ZNF532: variants seen among roughly 807,000 people sequenced by gnomAD.
The protein encoded by ZNF532 is zinc finger protein 532.
A neutral mutation model predicts 89.3 loss-of-function variants in ZNF532; 22 were observed. The ratio of observed to expected loss-of-function variants is 0.25; its 90% CI spans 0.18 to 0.35. The LOEUF is 0.35. Among genes scored for constraint, ZNF532 ranks in the 10% least tolerant of loss-of-function variants. The probability of loss-of-function intolerance (pLI) is 1.00; values close to 1 mark genes in which losing one functional copy is unlikely to be tolerated. For missense variants in ZNF532, 1,132 were observed against 1,643.4 expected (o/e 0.69, Z 5.38); for synonymous variants, 606 against 649.6 (o/e 0.93, Z 1.02).
chr18:58,923,549 C>A (rs936729669), intron 3 of ZNF532, among the ~76,000 whole-genome samples: 1 of 151,984 alleles, frequency 6.6e-6, no homozygotes, highest in Non-Finnish European at 1.5e-5. Context: ...TGGGGGTTCT[C>A]GACCATTACT....
chr18:58,918,189 T>G, intron 2 of ZNF532, 82 bp from the exon 3 acceptor site: 1 of 1,257,238 alleles, frequency 8.0e-7, no homozygotes, highest in Non-Finnish European at 1.1e-6. Flanking sequence ...AATCGTTATG[T>G]TAGTGTGAAT....
chr18:58,929,378 C>T (rs2061772020), intron 3 of ZNF532, among the ~76,000 whole-genome samples: 2 of 152,164 alleles, frequency 1.3e-5, no homozygotes, highest in South Asian at 2.1e-4. Flanking sequence ...TCGTGAGCAG[C>T]CTCTGCTGGT....
intron 4 of ZNF532, among the ~76,000 whole-genome samples, chr18:58,935,144 A>C (rs1463891478): frequency 0.079 from 71 of 894 alleles, no homozygotes; most frequent in Non-Finnish European, 0.11. Flanking sequence ...CCTCCTCCCC[A>C]CTCCTCCTCC....
At chr18:58,867,142 CTTCA>C (rs1465063812) in intron 2 of ZNF532, among the ~76,000 whole-genome samples, 1 of 152,184 alleles carries the variant, frequency 6.6e-6, no homozygotes, top group African/African-American at 2.4e-5. Context: ...TTATTTAGTC[CTTCA>C]TTCTTGTCTT....
intron 6 of ZNF532, among the ~76,000 whole-genome samples, chr18:58,949,748 C>T (rs538238583): frequency 8.5e-5 from 13 of 152,338 alleles, no homozygotes; most frequent in African/African-American, 3.1e-4. Context: ...ATTCTAGTCT[C>T]ATGTCAGCTA....
chr18:58,948,083 T>A lies in ZNF532; in HGVS notation c.2722T>A (p.Ser908Thr). ...CTATTTTAGAATAATATATAAGTGT[T>A]CCATGTGCGACACTGTGTTCACCCT... is the stretch of plus-strand genomic sequence containing the variant. ...IGEPKIIYKC[S>T]MCDTVFTLQT... Residue 908 changes from serine (S) to threonine (T), a missense_variant, in exon 6 of 10, where the codon TCC becomes ACC. This residue lies in a region of ZNF532 where 415 missense variants were observed against 604.8 expected (regional missense o/e 0.69). Coordinates refer to ENST00000591808, the MANE Select transcript of ZNF532 (RefSeq NM_001375912.1). 5 of 1,613,262 alleles carry A rather than the reference T, an allele frequency of 3.1e-6. No homozygotes were observed. The highest frequency in any genetic ancestry group is 4.2e-6 in the Non-Finnish European group (5 of 1,179,626).
At chr18:58,931,128 A>G (rs1414263841) in intron 3 of ZNF532, among the ~76,000 whole-genome samples, 1 of 152,200 alleles carries the variant, frequency 6.6e-6, no homozygotes, top group Non-Finnish European at 1.5e-5. Flanking sequence ...ACATTTATCC[A>G]TTTTTAGATG....
chr18:58,945,876 C>T lies in ZNF532; in HGVS notation c.2706-2191C>T, dbSNP rs552317189. Among the ~76,000 whole-genome samples the T allele has an allele frequency of 1.9e-3, 282 of 152,006 alleles. 1 individual carries two copies. The highest frequency in any genetic ancestry group is 6.1e-3 in the African/African-American group (253 of 41,468). On this transcript the variant is annotated intron_variant, in intron 5 of 9. Transcript: ENST00000591808. ...CCAAGTAGCTGGGACTACAGGTGCA[C>T]GCCACCATGCCCTGCTAATTCTTTT...
intron 2 of ZNF532, among the ~76,000 whole-genome samples, chr18:58,888,396 C>T (rs1413090023): frequency 6.6e-6 from 1 of 151,772 alleles, no homozygotes; most frequent in Non-Finnish European, 1.5e-5. Context: ...GAAAATATGG[C>T]CGGGTGCAGT....
intron 2 of ZNF532, among the ~76,000 whole-genome samples, chr18:58,900,154 G>T (rs1602833925): frequency 6.6e-6 from 1 of 152,222 alleles, no homozygotes; most frequent in African/African-American, 2.4e-5. Context: ...AGGTCTGTCT[G>T]CGCAGCTGCG....
chr18:58,926,479 A>AGGCATGCGCC (rs1294390798), intron 3 of ZNF532, among the ~76,000 whole-genome samples: 1 of 152,162 alleles, frequency 6.6e-6, no homozygotes, highest in Non-Finnish European at 1.5e-5. Flanking sequence ...CTGGGATTAC[A>AGGCATGCGCC]GGCATGCGCC....
intron 2 of ZNF532, among the ~76,000 whole-genome samples, chr18:58,873,283 A>C (rs2057148838): frequency 6.6e-6 from 1 of 152,100 alleles, no homozygotes; most frequent in African/African-American, 2.4e-5. Context: ...TGACCTCCCA[A>C]AGTGCTGAGA....
At chr18:58,947,346 T>C (rs1365972503) in intron 5 of ZNF532, among the ~76,000 whole-genome samples, 1 of 152,190 alleles carries the variant, frequency 6.6e-6, no homozygotes, top group Non-Finnish European at 1.5e-5. Flanking sequence ...CAGGAGGGAT[T>C]ATGTTCAGAA....
Position 58,919,545 on chromosome 18 carries a change from C to A in ZNF532, c.1258C>A (p.Pro420Thr), listed in dbSNP as rs778015925. 4.3e-6 allele frequency: 7 copies of A among 1,614,108 alleles called. No individual in the cohort carries two copies. The highest frequency in any genetic ancestry group is 2.7e-5 in the African/African-American group (2 of 74,942). ...ATCAGCCGCCGTCCTTTCCTCTCCC[C>A]CCAGGGCGCCTCTCCAGTCTGCGGT... is the stretch of plus-strand genomic sequence containing the variant. ...PASAAVLSSPPRAPLQSAVVT... is the reference protein window; with the variant it reads ...PASAAVLSSPTRAPLQSAVVT... Residue 420 changes from proline (P) to threonine (T), a missense_variant, in exon 3 of 10, where the codon CCC (proline) becomes ACC (threonine). Physicochemically the swap from Pro to Thr is conservative, Grantham distance 38. Around this residue, in one of 9 missense-constraint regions of ZNF532, gnomAD observed 124 missense variants for 191.6 expected, o/e 0.65. Transcript: ENST00000591808. The surrounding 1 kb of genome is among the most constrained non-coding windows in gnomAD (Gnocchi z 6.1).
chr18:58,951,948 C>T (rs950931890), intron 6 of ZNF532, among the ~76,000 whole-genome samples: 2 of 152,012 alleles, frequency 1.3e-5, no homozygotes, highest in Admixed American at 6.5e-5. Flanking sequence ...TGCGCGTGGC[C>T]CACCTCAGCC....
In ZNF532 at chr18:58,953,726, C is replaced by T. The variant is rs144779931; in HGVS notation, c.3077C>T (p.Thr1026Met). 1.4e-5 allele frequency: 23 copies of T among 1,613,912 alleles called. No homozygotes were observed. The highest frequency in any genetic ancestry group is 2.2e-5 in the East Asian group (1 of 44,902). ...AAGAAAGTGGCCAGTCCTGGGTGGA[C>T]GTGTTGGGAGTGTGACTGCCTGTTC... ...ETKKVASPGW[T>M]CWECDCLFMQ... Residue 1026 changes from threonine (T) to methionine (M), a missense_variant, in exon 7 of 10, where the codon ACG becomes ATG. Physicochemically the swap from Thr to Met is moderately conservative, Grantham distance 81 (BLOSUM62 -1). Around this residue, in one of 9 missense-constraint regions of ZNF532, gnomAD observed 415 missense variants for 604.8 expected, o/e 0.69. Transcript: ENST00000591808.
At chr18:58,871,468 A>G (rs2056978308) in intron 2 of ZNF532, among the ~76,000 whole-genome samples, 2 of 152,348 alleles carry the variant, frequency 1.3e-5, no homozygotes, top group Admixed American at 6.5e-5. Flanking sequence ...GTGGGGAAAC[A>G]GACAGAGACC....
chr18:58,962,004 T>C (rs2065394109), intron 7 of ZNF532, among the ~76,000 whole-genome samples: 1 of 152,070 alleles, frequency 6.6e-6, no homozygotes, highest in Non-Finnish European at 1.5e-5. Flanking sequence ...GGTGGATGTA[T>C]CATTTGAGGT....
chr18:58,964,714 G>A (rs2065747034), intron 7 of ZNF532, among the ~76,000 whole-genome samples: 1 of 151,960 alleles, frequency 6.6e-6, no homozygotes, highest in Non-Finnish European at 1.5e-5. Context: ...AGCCTCCTGA[G>A]TAGCAGGGAC....
Sources: gnomAD v4.1 joint callset for allele counts (sites outside exome capture counted in the v4.1 genomes callset) on GRCh38, gnomAD v4.1.1 for gene constraint, gnomAD v4.1.1 regional missense constraint, Gnocchi (gnomAD v3.1) non-coding constraint, MANE v1.5 for transcripts, NCBI Gene and HGNC (gene_info 2026-07-23, HGNC 2026-07-21) for gene names.